The following WWC1 variants were observed in gnomAD, a reference collection of about 807,000 sequenced individuals.
WWC1 encodes the protein WW and C2 domain containing 1, also known as protein KIBRA.
Under a neutral mutation model 138.4 loss-of-function variants are expected in WWC1, and 55 were observed. The observed-to-expected ratio is 0.40, with a 90% CI of 0.32 to 0.50. WWC1 has a LOEUF of 0.50. Among genes scored for constraint, WWC1 ranks in the 20% least tolerant of loss-of-function variants. WWC1 has a pLI of 0.72. For synonymous variants in WWC1, 524 were observed against 564.9 expected, an observed-to-expected ratio of 0.93 and a Z score of 1.03; for missense variants, 1,226 against 1,420.4, an observed-to-expected ratio of 0.86 and a Z score of 2.20.
rs1206893319 is a variant in WWC1 at position 168,371,471 on chromosome 5, C to T, written c.167C>T (p.Pro56Leu). ...GCTGACTGCATTAGTGATGAGTTGC[C>T]GCTAGGATGGGAAGAGGCATATGAC... is the stretch of plus-strand genomic sequence containing the variant. ...TFADCISDEL[P>L]LGWEEAYDPQ... The change falls in exon 2 of 23, where the codon CCG becomes CTG. Residue 56 changes from proline (P) to leucine (L), a missense_variant. Around this residue, in one of 3 missense-constraint regions of WWC1, gnomAD observed 1,016 missense variants for 1,153.9 expected, o/e 0.88. Coordinates refer to ENST00000265293, the MANE Select transcript of WWC1 (RefSeq NM_015238.3). 4.3e-6 allele frequency: 7 copies of T among 1,613,972 alleles called. No individual in the cohort carries two copies. Among genetic ancestry groups the T allele is most frequent in the South Asian group, 2.2e-5 (2 of 91,064 alleles).
rs79556848 is a variant in WWC1, at chr5:168,464,692, G to A, written c.2917-37G>A. Reference sequence around the variant, plus strand: ...AGGCTGGGTGGGCTCACTGGGCAGAGCTCTAATAACAAGAGAAGCCGTCCC... The same window carrying A: ...AGGCTGGGTGGGCTCACTGGGCAGAACTCTAATAACAAGAGAAGCCGTCCC... On this transcript the variant is annotated intron_variant, in intron 20 of 22. Transcript: ENST00000265293. The A allele has an allele frequency of 2.9e-3, 4,733 of 1,612,960 alleles. 110 individuals are homozygous for A. In the African/African-American group the frequency reaches 0.052, roughly 18 times the overall value.
At chr5:168,442,838 G>GAA (rs201792324) in intron 16 of WWC1, among the ~76,000 whole-genome samples, 8 of 81,976 alleles carry the variant, frequency 9.8e-5, no homozygotes, top group South Asian at 3.4e-4. Context: ...CTCCATCTCA[G>GAA]AAAAAAAAAA....
At chr5:168,428,604 T>A (rs1237112120) in intron 12 of WWC1, 103 bp from the exon 13 acceptor site, 1 of 1,185,790 alleles carries the variant, frequency 8.4e-7, no homozygotes, top group African/African-American at 1.5e-5. Context: ...GAAGGGAAGC[T>A]GAGCAAACCC....
chr5:168,448,399 AT>A (rs200286190), intron 17 of WWC1, among the ~76,000 whole-genome samples: 3 of 151,762 alleles, frequency 2.0e-5, no homozygotes, highest in South Asian at 2.1e-4. Context: ...AGAAAACTGG[AT>A]TTTTTTTTAA....
At chr5:168,343,016 C>T (rs188721739) in intron 1 of WWC1, among the ~76,000 whole-genome samples, 5 of 152,244 alleles carry the variant, frequency 3.3e-5, no homozygotes, top group Admixed American at 2.0e-4. Flanking sequence ...GATTGGGCTC[C>T]CAGAAGCTTG....
At chr5:168,360,568 A>G (rs1021517052) in intron 1 of WWC1, among the ~76,000 whole-genome samples, 4 of 152,222 alleles carry the variant, frequency 2.6e-5, no homozygotes, top group Non-Finnish European at 5.9e-5. Flanking sequence ...CTAAAGCTGC[A>G]GAGGGTGCCT....
intron 1 of WWC1, among the ~76,000 whole-genome samples, chr5:168,334,054 GAAAAAAAAA>G (rs70976475): frequency 4.5e-5 from 2 of 44,510 alleles, no homozygotes; most frequent in East Asian, 9.0e-4. Context: ...CATCCCTACT[GAAAAAAAAA>G]AAAAAAAAAA....
intron 5 of WWC1, among the ~76,000 whole-genome samples, 181 bp downstream of exon 5, chr5:168,399,748 G>A (rs1404319953): frequency 6.6e-6 from 1 of 152,108 alleles, no homozygotes; most frequent in Non-Finnish European, 1.5e-5. Context: ...CAAGGGTGGG[G>A]TTTGGAAAGA....
At chr5:168,336,465 G>A (rs1366408485) in intron 1 of WWC1, among the ~76,000 whole-genome samples, 2 of 151,562 alleles carry the variant, frequency 1.3e-5, no homozygotes, top group Non-Finnish European at 2.9e-5. Flanking sequence ...CCAGCTACTA[G>A]GGAGGCTGAG....
chr5:168,376,664 C>T (rs11134508), intron 2 of WWC1, among the ~76,000 whole-genome samples: 29,849 of 150,690 alleles, frequency 0.2, 3,457 homozygotes, highest in South Asian at 0.44. Flanking sequence ...AAATCAAGAA[C>T]GCAATCCCAT....
intron 21 of WWC1, among the ~76,000 whole-genome samples, chr5:168,465,930 G>T (rs1002188690): frequency 8.5e-5 from 13 of 152,128 alleles, no homozygotes; most frequent in Admixed American, 2.0e-4. Flanking sequence ...GGTGCTGGGG[G>T]CTACTGCCCA....
chr5:168,358,782 G>A (rs989313595), intron 1 of WWC1, among the ~76,000 whole-genome samples: 2 of 146,710 alleles, frequency 1.4e-5, no homozygotes, highest in African/African-American at 5.1e-5. Flanking sequence ...GCTTTGACAC[G>A]CATATATATA....
intron 2 of WWC1, among the ~76,000 whole-genome samples, chr5:168,375,670 G>A (rs1732028443): frequency 6.6e-6 from 1 of 152,088 alleles, no homozygotes; most frequent in Admixed American, 6.5e-5. Context: ...CACCTTCCGG[G>A]TTCAAGCAAT....
At chr5:168,331,676 G>A (rs1236686183) in intron 1 of WWC1, among the ~76,000 whole-genome samples, 1 of 152,198 alleles carries the variant, frequency 6.6e-6, no homozygotes, top group African/African-American at 2.4e-5. Flanking sequence ...TTAAGGTAAC[G>A]TGATAGCTGT....
chr5:168,292,325 C>T lies in WWC1; in HGVS notation c.119+54C>T, dbSNP rs1350453413. On this transcript the variant is annotated intron_variant, in intron 1 of 22. Transcript: ENST00000265293. This position sits in a 1 kb window ranked among gnomAD's most constrained non-coding sequence, Gnocchi z 4.4. ...CCCACACCCCCGCCTGGGCCCCCAC[C>T]TGCCCCTGGAGCCGCCGGCCGGGAC... The T allele has an allele frequency of 2.0e-6, 3 of 1,534,634 alleles. No individual in the cohort carries two copies. Among genetic ancestry groups the T allele is most frequent in the Non-Finnish European group, 2.6e-6 (3 of 1,139,760 alleles).
chr5:168,357,535 G>T (rs1287189698), intron 1 of WWC1, among the ~76,000 whole-genome samples: 2 of 150,684 alleles, frequency 1.3e-5, no homozygotes, highest in African/African-American at 4.9e-5. Context: ...CCAGGGTATT[G>T]TGTTCCCTTT....
chr5:168,359,911 GAC>G, intron 1 of WWC1, among the ~76,000 whole-genome samples: 1 of 152,116 alleles, frequency 6.6e-6, no homozygotes, highest in African/African-American at 2.4e-5. Context: ...CACAAAAAGG[GAC>G]TCAAAGCTTG....
At chr5:168,317,437 G>A (rs920810513) in intron 1 of WWC1, among the ~76,000 whole-genome samples, 11 of 152,192 alleles carry the variant, frequency 7.2e-5, no homozygotes, top group African/African-American at 2.4e-4. Context: ...ATCCTGCTCT[G>A]TTGGACAGTG....
chr5:168,406,252 G>A lies in WWC1; in HGVS notation c.645G>A (p.Gln215=). 6.2e-7 allele frequency: 1 copy of A among 1,614,140 alleles called. No individual in the cohort carries two copies. Among genetic ancestry groups the A allele is most frequent in the African/African-American group, 1.3e-5 (1 of 75,048 alleles). The change falls in exon 6 of 23, where the codon CAG becomes CAA. Residue 215 remains glutamine, a synonymous_variant. Coordinates refer to ENST00000265293, the MANE Select transcript of WWC1 (RefSeq NM_015238.3). ...GCAGCTACAAACTGGATGAAGCTCA[G>A]GCTGTCTTGAGAGAAACAAAAGCCA... ...AQGSYKLDEA[Q]AVLRETKAIK...
Sources: gnomAD v4.1 joint callset for allele counts (sites outside exome capture counted in the v4.1 genomes callset) on GRCh38, gnomAD v4.1.1 for gene constraint, gnomAD v4.1.1 regional missense constraint, Gnocchi (gnomAD v3.1) non-coding constraint, MANE v1.5 for transcripts, NCBI Gene and HGNC (gene_info 2026-07-23, HGNC 2026-07-21) for gene names.